The following THSD7A variants were observed in gnomAD, a reference collection of about 807,000 sequenced individuals.
The protein encoded by THSD7A is thrombospondin type-1 domain-containing protein 7A.
THSD7A carries 96 observed loss-of-function variants against 231.3 expected under a neutral mutation model. The observed-to-expected ratio is 0.41, with a 90% CI of 0.35 to 0.49. THSD7A has a LOEUF of 0.49. Among genes scored for constraint, THSD7A ranks in the 20% least tolerant of loss-of-function variants. THSD7A has a pLI of 0.05. For missense variants in THSD7A, 2,290 were observed against 2,070.2 expected, an observed-to-expected ratio of 1.11 and a Z score of -2.06; for synonymous variants, 940 against 743.3, an observed-to-expected ratio of 1.26 and a Z score of -4.30.
At chr7:11,499,779 A>C (rs62438222) in intron 6 of THSD7A, among the ~76,000 whole-genome samples, 13,366 of 152,264 alleles carry the variant, frequency 0.088, 762 homozygotes, top group African/African-American at 0.15. Context: ...AACAACTATT[A>C]AAAAGGGATA....
At chr7:11,546,669 T>G (rs914600050) in intron 4 of THSD7A, among the ~76,000 whole-genome samples, 1 of 152,190 alleles carries the variant, frequency 6.6e-6, no homozygotes, top group African/African-American at 2.4e-5. Flanking sequence ...CAGTGCCTTA[T>G]TACATTCAAA....
chr7:11,599,297 A>G (rs1780470983), intron 2 of THSD7A, among the ~76,000 whole-genome samples: 2 of 152,214 alleles, frequency 1.3e-5, no homozygotes, highest in African/African-American at 4.8e-5. Flanking sequence ...CTCCACCAGG[A>G]AAAATACCAC....
chr7:11,433,339 T>G (rs2128291064), intron 13 of THSD7A, among the ~76,000 whole-genome samples: 1 of 152,162 alleles, frequency 6.6e-6, no homozygotes, highest in South Asian at 2.1e-4. Flanking sequence ...TAGTATGAGA[T>G]GCCCAAAAAA....
chr7:11,539,243 A>G (rs777543064), intron 6 of THSD7A, among the ~76,000 whole-genome samples: 12 of 152,138 alleles, frequency 7.9e-5, no homozygotes, highest in Non-Finnish European at 1.3e-4. Flanking sequence ...TATCAGCCCA[A>G]TTATGTCTCA....
chr7:11,679,251 G>A (rs1372816865), intron 1 of THSD7A, among the ~76,000 whole-genome samples: 1 of 152,156 alleles, frequency 6.6e-6, no homozygotes, highest in Non-Finnish European at 1.5e-5. Context: ...CATACTGAAT[G>A]AGCAAAAGCT....
chr7:11,708,548 C>T (rs1365395413), intron 1 of THSD7A, among the ~76,000 whole-genome samples: 1 of 150,656 alleles, frequency 6.6e-6, no homozygotes, highest in Non-Finnish European at 1.5e-5. Context: ...GAAAATAAAT[C>T]ACTTAATCTT....
At position 11,831,678 on chromosome 7, in the gene THSD7A, G is replaced by A; in HGVS notation, c.190+79C>T. 1 of 1,094,994 alleles carries A rather than the reference G, an allele frequency of 9.1e-7. No individual in the cohort carries two copies. The highest frequency in any genetic ancestry group is 1.2e-6 in the Non-Finnish European group (1 of 845,140). 67.8% of individuals were successfully genotyped at this position (1,094,994 alleles called of 1,614,324 possible). A position where few individuals can be genotyped will look rare whatever the true frequency, so the allele number is the denominator to read the frequency against. On this transcript the variant is annotated intron_variant, in intron 1 of 27. Coordinates refer to ENST00000423059, the MANE Select transcript of THSD7A (RefSeq NM_015204.3). The surrounding 1 kb of genome is among the most constrained non-coding windows in gnomAD (Gnocchi z 5.0). ...TAACCAAGCCATCCAAAAGCACCGGGGTCCCTACAGAAGCCCACCAGCTCC... is the reference window on the plus strand; with the variant it reads ...TAACCAAGCCATCCAAAAGCACCGGAGTCCCTACAGAAGCCCACCAGCTCC...
chr7:11,775,090 A>T (rs1469917874), intron 1 of THSD7A, among the ~76,000 whole-genome samples: 1 of 152,186 alleles, frequency 6.6e-6, no homozygotes, highest in Non-Finnish European at 1.5e-5. Flanking sequence ...ACCTAAAGAG[A>T]TAAAATTTAA....
chr7:11,661,885 G>A (rs889732949), intron 1 of THSD7A, among the ~76,000 whole-genome samples: 2 of 151,220 alleles, frequency 1.3e-5, no homozygotes, highest in African/African-American at 4.8e-5. Flanking sequence ...AAGATAAACA[G>A]AGGCAGAGTT....
chr7:11,753,773 GGAGAGAGAGAGAGAGACA>G (rs929035718), intron 1 of THSD7A, among the ~76,000 whole-genome samples: 9 of 150,038 alleles, frequency 6.0e-5, no homozygotes, highest in East Asian at 3.9e-4. Context: ...ACAATGCAAT[GGAGAGAGAGAGAGAGACA>G]GAGAGAGAGA....
At chr7:11,695,616 G>A (rs1780367323) in intron 1 of THSD7A, among the ~76,000 whole-genome samples, 1 of 151,462 alleles carries the variant, frequency 6.6e-6, no homozygotes, top group African/African-American at 2.4e-5. Context: ...AAATTAAACT[G>A]TCAAATGAGA....
chr7:11,820,364 T>C (rs1784836717), intron 1 of THSD7A: 2 of 1,193,982 alleles, frequency 1.7e-6, no homozygotes, highest in South Asian at 1.9e-5. Flanking sequence ...CTGTTCTCTG[T>C]CCCACTCTTG....
intron 6 of THSD7A, among the ~76,000 whole-genome samples, chr7:11,519,214 T>C (rs1023524): frequency 0.85 from 129,150 of 152,052 alleles, 55,378 homozygotes; most frequent in Middle Eastern, 0.91. Context: ...GGTAATCGCT[T>C]TGCAGATCAC....
chr7:11,754,015 G>A (rs1782595040), intron 1 of THSD7A, among the ~76,000 whole-genome samples: 1 of 151,834 alleles, frequency 6.6e-6, no homozygotes, highest in South Asian at 2.1e-4. Context: ...TATATTAAAT[G>A]TCTATTTTTA....
At chr7:11,566,000 T>G (rs1200194605) in intron 4 of THSD7A, among the ~76,000 whole-genome samples, 1 of 152,142 alleles carries the variant, frequency 6.6e-6, no homozygotes, top group Admixed American at 6.6e-5. Flanking sequence ...GCTGCTAATA[T>G]TCACCCCACT....
intron 23 of THSD7A, among the ~76,000 whole-genome samples, chr7:11,400,298 C>T (rs891373329): frequency 6.6e-6 from 1 of 152,142 alleles, no homozygotes; most frequent in South Asian, 2.1e-4. Context: ...TACCTTAGAA[C>T]TTAAAGTATA....
intron 6 of THSD7A, among the ~76,000 whole-genome samples, chr7:11,536,465 A>G (rs1254851819): frequency 3.3e-5 from 5 of 152,034 alleles, no homozygotes; most frequent in African/African-American, 4.8e-5. Context: ...CAATATGGAG[A>G]ATTGGAAGTT....
intron 1 of THSD7A, among the ~76,000 whole-genome samples, chr7:11,737,571 G>C (rs1176671865): frequency 6.6e-6 from 1 of 151,996 alleles, no homozygotes; most frequent in East Asian, 1.9e-4. Context: ...CAGGTGCTCA[G>C]GGAAACCTGA....
chr7:11,744,331 AT>A (rs1403199829), intron 1 of THSD7A, among the ~76,000 whole-genome samples: 1 of 151,972 alleles, frequency 6.6e-6, no homozygotes, highest in Non-Finnish European at 1.5e-5. Flanking sequence ...TTACCATTAT[AT>A]TAAAAGATGA....
Sources: gnomAD v4.1 joint callset for allele counts (sites outside exome capture counted in the v4.1 genomes callset) on GRCh38, gnomAD v4.1.1 for gene constraint, Gnocchi (gnomAD v3.1) non-coding constraint, MANE v1.5 for transcripts, NCBI Gene and HGNC (gene_info 2026-07-23, HGNC 2026-07-21) for gene names.